FYB1: variants seen among roughly 807,000 people sequenced by gnomAD.
FYB1 encodes the protein FYN-binding protein 1.
Under a neutral mutation model 94.1 loss-of-function variants are expected in FYB1, and 41 were observed. The observed-to-expected ratio is 0.44, with a 90% CI of 0.34 to 0.57. FYB1 has a LOEUF of 0.57. Among genes scored for constraint, FYB1 ranks in the 20% least tolerant of loss-of-function variants. FYB1 has a pLI of 0.02. For synonymous variants in FYB1, 367 were observed against 353.2 expected (o/e 1.04, Z -0.44); for missense variants, 1,050 against 976.8 (o/e 1.07, Z -1.00).
chr5:39,178,663 GT>G (rs763222189), intron 2 of FYB1, among the ~76,000 whole-genome samples: 22 of 151,866 alleles, frequency 1.4e-4, no homozygotes, highest in East Asian at 5.8e-4. Flanking sequence ...CAACATTGAG[GT>G]TTTTTTTAAC....
In FYB1 at chr5:39,202,272, C is replaced by T. The variant is rs773488409; in HGVS notation, c.689G>A (p.Gly230Glu). 3 of 1,613,914 alleles carry T rather than the reference C, an allele frequency of 1.9e-6. No individual in the cohort carries two copies. Among genetic ancestry groups the T allele is most frequent in the Admixed American group, 1.7e-5 (1 of 60,014 alleles). The change falls in exon 2 of 19, where the codon GGA becomes GAA. Residue 230 changes from glycine to glutamate, a missense_variant. Physicochemically the swap from Gly to Glu is moderately conservative, Grantham distance 98. Coordinates refer to ENST00000512982, the MANE Select transcript of FYB1 (RefSeq NM_001465.6). ...SSSKGSPAPLGVRSKSGPLKP... is the reference protein window; with the variant it reads ...SSSKGSPAPLEVRSKSGPLKP... ...TAAAGGGCCGCTTTTGGACCTGACT[C>T]CCAGGGGAGCTGGGGACCCTTTTGA...
intron 16 of FYB1, among the ~76,000 whole-genome samples, chr5:39,117,207 T>A (rs1209440493): frequency 6.6e-6 from 1 of 152,214 alleles, no homozygotes; most frequent in Non-Finnish European, 1.5e-5. Flanking sequence ...CTTCTTTGCA[T>A]GATTTTATAA....
chr5:39,239,728 A>G (rs1345426753), intron 1 of FYB1, among the ~76,000 whole-genome samples: 2 of 152,188 alleles, frequency 1.3e-5, no homozygotes, highest in Admixed American at 1.3e-4. Flanking sequence ...TAAAATGGCC[A>G]TACTGTCCAA....
intron 1 of FYB1, among the ~76,000 whole-genome samples, chr5:39,237,421 G>C (rs186624201): frequency 6.6e-6 from 1 of 152,126 alleles, no homozygotes; most frequent in East Asian, 1.9e-4. Context: ...AATGAGTTGA[G>C]ATTGATCCAC....
chr5:39,163,855 T>C (rs1323924290), intron 2 of FYB1, among the ~76,000 whole-genome samples: 3 of 152,228 alleles, frequency 2.0e-5, no homozygotes, highest in Non-Finnish European at 4.4e-5. Flanking sequence ...TAACTGAATA[T>C]TCTTCAAATA....
At chr5:39,258,419 G>C (rs1301553728) in intron 1 of FYB1, among the ~76,000 whole-genome samples, 1 of 152,118 alleles carries the variant, frequency 6.6e-6, no homozygotes, top group East Asian at 1.9e-4. Flanking sequence ...GGCCAACATG[G>C]TGAAACCCCA....
At chr5:39,192,470 C>T (rs1234259090) in intron 2 of FYB1, among the ~76,000 whole-genome samples, 1 of 152,148 alleles carries the variant, frequency 6.6e-6, no homozygotes, top group Non-Finnish European at 1.5e-5. Flanking sequence ...GTGGTCATAT[C>T]TTCTTGTAGG....
chr5:39,134,254 C>A lies in FYB1; in HGVS notation c.1771G>T (p.Asp591Tyr). 1.9e-6 allele frequency: 3 copies of A among 1,612,360 alleles called. No homozygotes were observed. Among genetic ancestry groups the A allele is most frequent in the South Asian group, 1.1e-5 (1 of 91,042 alleles). The part of the protein sequence containing the change: ...LGAPSRPIED[D>Y]QEVYDDVAEQ... ...GCAACATCATCATATACTTCTTGGT[C>A]ATCTTCAATAGGTCTTGAAGGGGCA... Residue 591 changes from aspartate (D) to tyrosine (Y), a missense_variant, in exon 9 of 19, where the codon GAC (aspartate) becomes TAC (tyrosine). Transcript: ENST00000512982.
At chr5:39,241,099 T>A (rs1190899028) in intron 1 of FYB1, among the ~76,000 whole-genome samples, 1 of 152,172 alleles carries the variant, frequency 6.6e-6, no homozygotes, top group African/African-American at 2.4e-5. Flanking sequence ...TTTACACTTC[T>A]ATGTGGGAGC....
intron 2 of FYB1, among the ~76,000 whole-genome samples, chr5:39,163,879 T>C (rs574932708): frequency 6.6e-6 from 1 of 152,312 alleles, no homozygotes; most frequent in South Asian, 2.1e-4. Flanking sequence ...AAAGTTATTT[T>C]AAAAGTGTAC....
At chr5:39,139,162 G>C in intron 5 of FYB1, 71 bp downstream of exon 5, 1 of 1,323,770 alleles carries the variant, frequency 7.6e-7, no homozygotes, top group Non-Finnish European at 1.0e-6. Flanking sequence ...GTACCAATAC[G>C]GAGTGAATCA....
intron 7 of FYB1, among the ~76,000 whole-genome samples, chr5:39,136,955 T>C (rs1741723787): frequency 6.6e-6 from 1 of 152,134 alleles, no homozygotes; most frequent in Admixed American, 6.6e-5. Context: ...TCATCAAAGA[T>C]GGTGTAGCCA....
At chr5:39,109,805 T>C (rs1738892605) in intron 17 of FYB1, among the ~76,000 whole-genome samples, 1 of 152,140 alleles carries the variant, frequency 6.6e-6, no homozygotes, top group Admixed American at 6.6e-5. Flanking sequence ...TGACAGACTG[T>C]GACAATGTCT....
rs1580335151 is a variant in FYB1, at chr5:39,127,973, C to T, written c.1841-166G>A. Among the ~76,000 whole-genome samples the T allele has an allele frequency of 2.0e-5, 3 of 152,070 alleles. No individual in the cohort carries two copies. The East Asian group carries it at 5.8e-4, about 29-fold the overall frequency. On this transcript the variant is annotated intron_variant, in intron 10 of 18. Transcript: ENST00000512982. ...TTTGTTGATTATTTTATAAAGAATT[C>T]TTAGGGGTGAAATTACAATAACAAA...
rs765774417 is a variant in FYB1 at position 39,213,295 on chromosome 5, A to G, written c.-28+6148T>C. 3.7e-4 allele frequency among the ~76,000 whole-genome samples: 56 copies of G among 152,294 alleles called. 1 individual carries two copies. The Middle Eastern group carries it at 0.014, about 37-fold the overall frequency. On this transcript the variant is annotated intron_variant, in intron 1 of 18. Coordinates refer to ENST00000512982, the MANE Select transcript of FYB1 (RefSeq NM_001465.6). ...TGATTCTAAATTCTGTGCTCACCCT[A>G]TATGCCATAGGAACCAGAGTTTTCA...
At chr5:39,118,169 G>T (rs1232376893) in intron 16 of FYB1, among the ~76,000 whole-genome samples, 3 of 152,152 alleles carry the variant, frequency 2.0e-5, no homozygotes. Flanking sequence ...CCCGCAAAGT[G>T]CTGGGATTAC....
At chr5:39,113,335 G>C (rs1291334144) in intron 16 of FYB1, among the ~76,000 whole-genome samples, 1 of 152,118 alleles carries the variant, frequency 6.6e-6, no homozygotes, top group Non-Finnish European at 1.5e-5. Context: ...GCTATGTTTA[G>C]CGCTGTAATA....
chr5:39,137,772 C>T (rs973394079), intron 6 of FYB1, 52 bp from the exon 7 acceptor site: 112 of 1,546,354 alleles, frequency 7.2e-5, no homozygotes, highest in Non-Finnish European at 9.6e-5. Context: ...GTTGATGCGT[C>T]GGAACTCCCT....
At chr5:39,162,600 G>T (rs1476847813) in intron 2 of FYB1, among the ~76,000 whole-genome samples, 1 of 152,162 alleles carries the variant, frequency 6.6e-6, no homozygotes, top group Non-Finnish European at 1.5e-5. Context: ...CAGGAGAATC[G>T]CTTGAACCAG....
Sources: gnomAD v4.1 joint callset for allele counts (sites outside exome capture counted in the v4.1 genomes callset) on GRCh38, gnomAD v4.1.1 for gene constraint, MANE v1.5 for transcripts, NCBI Gene and HGNC (gene_info 2026-07-23, HGNC 2026-07-21) for gene names.